The following UBAP2 variants were observed in gnomAD, a reference collection of about 807,000 sequenced individuals.
UBAP2 encodes the protein ubiquitin associated protein 2, also known as ubiquitin-associated protein 2.
Under a neutral mutation model 139.6 loss-of-function variants are expected in UBAP2, and 75 were observed. The ratio of observed to expected loss-of-function variants is 0.54; its 90% CI spans 0.45 to 0.65. The LOEUF is 0.65. Ranked by LOEUF, UBAP2 falls within the 30% of genes least tolerant of loss-of-function variation. The probability of loss-of-function intolerance (pLI) is 0.00; values close to 1 mark genes in which losing one functional copy is unlikely to be tolerated. For synonymous variants in UBAP2, 526 were observed against 526.2 expected (o/e 1.00, Z 0.01); for missense variants, 1,368 against 1,369.6 (o/e 1.00, Z 0.02).
In UBAP2 at chr9:33,923,830, T is replaced by A. The variant is rs771487841; in HGVS notation, c.2761A>T (p.Met921Leu). ...GGGCCATACTGGAAGGCACTGGGCA[T>A]GCCTGTGTAGTAGGGAAGACCAGTG... Reference protein sequence around the residue: ...SYTGLPYYTGMPSAFQYGPTM... With the variant: ...SYTGLPYYTGLPSAFQYGPTM... The change falls in exon 24 of 29, where the codon ATG (methionine) becomes TTG (leucine). Residue 921 changes from methionine (M) to leucine (L), a missense_variant. By Grantham distance (15) the Met-to-Leu change is conservative (BLOSUM62 2). Coordinates refer to ENST00000379238, the MANE Select transcript of UBAP2 (RefSeq NM_001370062.2). 60 of 1,614,186 alleles carry A rather than the reference T, an allele frequency of 3.7e-5. No homozygotes were observed. Among genetic ancestry groups the A allele is most frequent in the Admixed American group, 1.3e-4 (8 of 60,022 alleles).
chr9:33,954,269 T>TATACACACACACAC (rs370755129), intron 11 of UBAP2, among the ~76,000 whole-genome samples: 28 of 139,914 alleles, frequency 2.0e-4, no homozygotes, highest in Admixed American at 6.5e-4. Flanking sequence ...TGTGTGTATA[T>TATACACACACACAC]ACACACACAC....
chr9:34,014,324 CAAAAAAA>C (rs1170182976), intron 2 of UBAP2, among the ~76,000 whole-genome samples: 3 of 55,676 alleles, frequency 5.4e-5, no homozygotes, highest in African/African-American at 7.4e-5. Context: ...GAGACTGTCT[CAAAAAAA>C]AAAAAAAAAA....
At chr9:33,932,756 A>C in intron 18 of UBAP2, 128 bp from the exon 19 acceptor site, 1 of 943,358 alleles carries the variant, frequency 1.1e-6, no homozygotes, top group South Asian at 1.6e-5. Flanking sequence ...CTTCAGACCC[A>C]TCCTCATTCC....
chr9:33,948,471 G>T lies in UBAP2; in HGVS notation c.1173C>A (p.Thr391=), dbSNP rs749567514. 2 of 1,614,144 alleles carry T rather than the reference G, an allele frequency of 1.2e-6. No individual in the cohort carries two copies. The highest frequency in any genetic ancestry group is 1.7e-5 in the Admixed American group (1 of 60,014). ...KAPSLGQFTT[T]PSTQQNSTSH... ...TTGTACTATTCTGCTGTGTACTTGG[G>T]GTGGTGGTAAACTGGCCCAAACTCG... The change falls in exon 13 of 29, where the codon ACC becomes ACA. Residue 391 remains threonine (T), a synonymous_variant. Transcript: ENST00000379238.
intron 2 of UBAP2, among the ~76,000 whole-genome samples, chr9:34,011,105 C>T (rs1247179556): frequency 6.6e-6 from 1 of 152,068 alleles, no homozygotes; most frequent in Admixed American, 6.6e-5. Flanking sequence ...TATTAACAAA[C>T]AAGCACTTGA....
chr9:34,016,914 C>T, intron 2 of UBAP2, 136 bp downstream of exon 2: 2 of 661,600 alleles, frequency 3.0e-6, no homozygotes, highest in African/African-American at 3.7e-5. Context: ...CAAAGGAAAA[C>T]ATTAAATCAT....
chr9:34,005,476 A>G (rs551400640), intron 2 of UBAP2, among the ~76,000 whole-genome samples: 1 of 151,550 alleles, frequency 6.6e-6, no homozygotes, highest in African/African-American at 2.4e-5. Flanking sequence ...AAAGAATAAC[A>G]TATCTCTAAG....
intron 4 of UBAP2, among the ~76,000 whole-genome samples, chr9:33,992,500 C>T (rs1026918620): frequency 2.0e-5 from 3 of 151,548 alleles, no homozygotes; most frequent in Non-Finnish European, 4.4e-5. Flanking sequence ...GCAGAGGTTG[C>T]AGTGAGCTGA....
intron 8 of UBAP2, chr9:33,968,004 T>C (rs1827598228): frequency 2.9e-6 from 1 of 347,380 alleles, no homozygotes; most frequent in Admixed American, 3.6e-5. Flanking sequence ...AGTGGATTGG[T>C]ACAGCCTTTA....
intron 1 of UBAP2, among the ~76,000 whole-genome samples, chr9:34,031,962 C>A (rs1280069224): frequency 6.6e-6 from 1 of 151,896 alleles, no homozygotes; most frequent in South Asian, 2.1e-4. Context: ...CATAGCAAGA[C>A]CTCCTCATCT....
At chr9:34,041,335 C>T (rs1331653331) in intron 1 of UBAP2, among the ~76,000 whole-genome samples, 2 of 151,176 alleles carry the variant, frequency 1.3e-5, no homozygotes, top group Admixed American at 1.3e-4. Flanking sequence ...CATGGTGGTG[C>T]CTGCCTGTAA....
At chr9:33,939,406 C>T (rs1156699812) in intron 16 of UBAP2, among the ~76,000 whole-genome samples, 1 of 151,510 alleles carries the variant, frequency 6.6e-6, no homozygotes, top group Non-Finnish European at 1.5e-5. Flanking sequence ...ACCATGTTGC[C>T]CAGGCTGGTC....
Position 33,933,577 on chromosome 9 carries a change from G to T in UBAP2, c.2021C>A (p.Pro674His). 1 of 1,614,058 alleles carries T rather than the reference G, an allele frequency of 6.2e-7. No homozygotes were observed. The highest frequency in any genetic ancestry group is 8.5e-7 in the Non-Finnish European group (1 of 1,180,016). The change falls in exon 18 of 29, where the codon CCC becomes CAC. Residue 674 changes from proline to histidine, a missense_variant. Transcript: ENST00000379238. Reference sequence around the variant, plus strand: ...AAGTGCAGTGCAGGAGGTGGTGCTGGGCAGGGAGCTCACAGACGGGAGGGC... The same window carrying T: ...AAGTGCAGTGCAGGAGGTGGTGCTGTGCAGGGAGCTCACAGACGGGAGGGC... ...PSALPSVSSL[P>H]STTSCTALLP...
chr9:34,044,796 G>A (rs1827424220), intron 1 of UBAP2, among the ~76,000 whole-genome samples: 1 of 151,964 alleles, frequency 6.6e-6, no homozygotes, highest in Non-Finnish European at 1.5e-5. Flanking sequence ...AACCCGGTGG[G>A]CAGAGGTTGC....
At chr9:34,030,391 G>A (rs1825789012) in intron 1 of UBAP2, among the ~76,000 whole-genome samples, 2 of 152,070 alleles carry the variant, frequency 1.3e-5, no homozygotes, top group Admixed American at 1.3e-4. Context: ...GGAGGTTGCA[G>A]TGAGCCGAGA....
chr9:34,016,455 A>G (rs1824356229), intron 2 of UBAP2, among the ~76,000 whole-genome samples: 1 of 152,002 alleles, frequency 6.6e-6, no homozygotes. Flanking sequence ...GGAAAAGGTT[A>G]GCATTAAAGA....
At chr9:34,035,500 T>TAAAA (rs1202143092) in intron 1 of UBAP2, among the ~76,000 whole-genome samples, 7 of 36,670 alleles carry the variant, frequency 1.9e-4, no homozygotes, top group East Asian at 1.1e-3. Context: ...AGACTCCATC[T>TAAAA]AAAAAAAAAA....
intron 2 of UBAP2, among the ~76,000 whole-genome samples, chr9:34,002,682 C>CT (rs1174623843): frequency 6.6e-6 from 1 of 151,486 alleles, no homozygotes; most frequent in Non-Finnish European, 1.5e-5. Flanking sequence ...GCCTTAACAT[C>CT]TTTTTTTTAA....
chr9:34,000,227 G>A (rs57327346), intron 2 of UBAP2, among the ~76,000 whole-genome samples: 31,490 of 151,986 alleles, frequency 0.21, 3,859 homozygotes, highest in East Asian at 0.55. Context: ...AGATCCTGCC[G>A]CCTCAGCCTC....
Sources: gnomAD v4.1 joint callset for allele counts (sites outside exome capture counted in the v4.1 genomes callset) on GRCh38, gnomAD v4.1.1 for gene constraint, MANE v1.5 for transcripts, NCBI Gene and HGNC (gene_info 2026-07-23, HGNC 2026-07-21) for gene names.